Variants in ARHGAP6 observed in about 807,000 individuals in gnomAD.
ARHGAP6 encodes the protein rho GTPase-activating protein 6.
Under a neutral mutation model 55.7 loss-of-function variants are expected in ARHGAP6, and 16 were observed. The ratio of observed to expected loss-of-function variants is 0.29; its 90% CI spans 0.19 to 0.44. The LOEUF is 0.44. Ranked by LOEUF, ARHGAP6 falls within the 20% of genes least tolerant of loss-of-function variation. The pLI, the probability that ARHGAP6 is intolerant of heterozygous loss-of-function variation, is 1.00. For missense variants in ARHGAP6, 698 were observed against 808.9 expected, an observed-to-expected ratio of 0.86 and a Z score of 1.66; for synonymous variants, 382 against 360.9, an observed-to-expected ratio of 1.06 and a Z score of -0.66.
chrX:11,429,570 C>G (rs1335248399), intron 1 of ARHGAP6, among the ~76,000 whole-genome samples: 1 of 112,304 alleles, frequency 8.9e-6, no homozygotes, highest in Non-Finnish European at 1.9e-5. Flanking sequence ...AACTTCCAAA[C>G]AGTGTTGCCT....
chrX:11,664,678 C>A lies in ARHGAP6; in HGVS notation c.151G>T (p.Ala51Ser). 8.6e-7 allele frequency: 1 copy of A among 1,168,485 alleles called. No homozygotes were observed. The highest frequency in any genetic ancestry group is 1.9e-5 in the South Asian group (1 of 52,791). ...CCCCGCGCACTGCCCTCCGCGCCCG[C>A]CTCGTCGCTCCCGCAGCCGCCGATC... ...ALIGGCGSDE[A>S]GAEGSARGAT... The change falls in exon 1 of 13, where the codon GCG (alanine) becomes TCG (serine). Residue 51 changes from alanine to serine, a missense_variant. Ala to Ser is a moderately conservative substitution (Grantham distance 99). This residue lies in a region of ARHGAP6 where 164 missense variants were observed against 149.2 expected (regional missense o/e 1.10). Transcript: ENST00000337414.
intron 2 of ARHGAP6, among the ~76,000 whole-genome samples, chrX:11,253,167 A>G (rs1285470839): frequency 9.0e-6 from 1 of 110,699 alleles, no homozygotes; most frequent in Non-Finnish European, 1.9e-5. Flanking sequence ...CTCAGCCTTT[A>G]CCCACTAGAT....
At chrX:11,489,552 A>G (rs1463602610) in intron 1 of ARHGAP6, among the ~76,000 whole-genome samples, 1 of 112,465 alleles carries the variant, frequency 8.9e-6, no homozygotes, top group African/African-American at 3.2e-5. Flanking sequence ...ACTTAAACAA[A>G]TAGGTATGGC....
chrX:11,428,085 C>A (rs1211728395), intron 1 of ARHGAP6, among the ~76,000 whole-genome samples: 2 of 112,531 alleles, frequency 1.8e-5, no homozygotes, highest in African/African-American at 3.2e-5. Context: ...GCCTTTAATG[C>A]CAGCGAGAAG....
At chrX:11,453,513 G>A (rs1204333298) in intron 1 of ARHGAP6, among the ~76,000 whole-genome samples, 1 of 108,716 alleles carries the variant, frequency 9.2e-6, no homozygotes, top group Non-Finnish European at 1.9e-5. Context: ...GGATGGTGAT[G>A]GGAGAGGAAA....
intron 10 of ARHGAP6, among the ~76,000 whole-genome samples, chrX:11,150,088 T>A (rs995561821): frequency 5.3e-5 from 6 of 112,227 alleles, no homozygotes; most frequent in African/African-American, 1.9e-4. Flanking sequence ...TTGTTCTATT[T>A]TGATCTTGTT....
rs187349459 is a variant in ARHGAP6, at chrX:11,587,530, G to A, written c.588+76711C>T. ...GAACTACAGCCAGCAAGGAAGACTA[G>A]CGAGACTGGTATAGAAGGATGGAAG... On this transcript the variant is annotated intron_variant, in intron 1 of 12. Coordinates refer to ENST00000337414, the MANE Select transcript of ARHGAP6 (RefSeq NM_013427.3). Among the ~76,000 whole-genome samples the A allele has an allele frequency of 2.2e-4, 25 of 111,871 alleles. 1 individual carries two copies. The East Asian group carries it at 7.0e-3, about 31-fold the overall frequency.
At position 11,298,839 on chromosome X, in the gene ARHGAP6, G is replaced by T. The variant is rs138249749; in HGVS notation, c.589-44132C>A. The T allele has an allele frequency of 7.8e-4, 942 of 1,208,248 alleles. 6 individuals carry two copies. In the African/African-American group the frequency reaches 0.015, roughly 19 times the overall value. ...CCAGCCCATGCAGCCCCAGCCACCTGTGCACCCCATGCAGCCCCTGCCGCC... is the reference window on the plus strand; with the variant it reads ...CCAGCCCATGCAGCCCCAGCCACCTTTGCACCCCATGCAGCCCCTGCCGCC... On this transcript the variant is annotated intron_variant, in intron 1 of 12. Transcript: ENST00000337414.
intron 1 of ARHGAP6, among the ~76,000 whole-genome samples, chrX:11,521,396 A>C (rs1371720404): frequency 8.9e-6 from 1 of 112,212 alleles, no homozygotes; most frequent in African/African-American, 3.2e-5. Flanking sequence ...TTTTCCCAGC[A>C]CCATTTGTTG....
chrX:11,418,139 T>C (rs1362630527), intron 1 of ARHGAP6, among the ~76,000 whole-genome samples: 1 of 111,887 alleles, frequency 8.9e-6, no homozygotes, highest in African/African-American at 3.3e-5. Flanking sequence ...CTGCGTCCTT[T>C]TGGATTTTCT....
intron 1 of ARHGAP6, among the ~76,000 whole-genome samples, chrX:11,516,908 T>C (rs912493427): frequency 4.5e-5 from 5 of 111,649 alleles, no homozygotes; most frequent in African/African-American, 1.6e-4. Flanking sequence ...CATTCTCAGG[T>C]TGTATTCTCC....
chrX:11,429,108 C>T (rs2049918212), intron 1 of ARHGAP6, among the ~76,000 whole-genome samples: 1 of 112,484 alleles, frequency 8.9e-6, no homozygotes, highest in African/African-American at 3.2e-5. Context: ...AGTCTGTGCA[C>T]ATGATGGAAT....
intron 1 of ARHGAP6, among the ~76,000 whole-genome samples, chrX:11,572,683 T>C (rs1240283555): frequency 2.6e-4 from 29 of 112,148 alleles, no homozygotes; most frequent in African/African-American, 9.4e-4. Context: ...GCATGATTTA[T>C]AGTCATTTGG....
chrX:11,379,688 C>T, intron 1 of ARHGAP6, among the ~76,000 whole-genome samples: 1 of 111,516 alleles, frequency 9.0e-6, no homozygotes, highest in South Asian at 3.8e-4. Context: ...TTGAACTGTC[C>T]AGAACATAAT....
At chrX:11,473,462 G>A (rs2050370000) in intron 1 of ARHGAP6, among the ~76,000 whole-genome samples, 1 of 111,555 alleles carries the variant, frequency 9.0e-6, no homozygotes, top group African/African-American at 3.3e-5. Flanking sequence ...ATTTGTAAGG[G>A]TGTCCTTACA....
intron 1 of ARHGAP6, among the ~76,000 whole-genome samples, chrX:11,383,692 A>G (rs1172055683): frequency 9.0e-6 from 1 of 111,583 alleles, no homozygotes; most frequent in Non-Finnish European, 1.9e-5. Context: ...AAAAGGCAAC[A>G]AAATACCTAC....
chrX:11,333,989 G>A (rs2048596333), intron 1 of ARHGAP6, among the ~76,000 whole-genome samples: 1 of 111,666 alleles, frequency 9.0e-6, no homozygotes, highest in African/African-American at 3.3e-5. Context: ...ATAAAAAGAT[G>A]GGGGAGAGTT....
chrX:11,148,907 T>C (rs758767791), intron 10 of ARHGAP6: 5 of 219,291 alleles, frequency 2.3e-5, no homozygotes, highest in East Asian at 2.7e-4. Flanking sequence ...TCTTGGATTA[T>C]ATCAATGGTA....
At chrX:11,349,119 G>C (rs1438488379) in intron 1 of ARHGAP6, among the ~76,000 whole-genome samples, 2 of 108,829 alleles carry the variant, frequency 1.8e-5, no homozygotes, top group Non-Finnish European at 3.8e-5. Flanking sequence ...CATAAGGATA[G>C]AGACAGAGTT....
Sources: gnomAD v4.1 joint callset for allele counts (sites outside exome capture counted in the v4.1 genomes callset) on GRCh38, gnomAD v4.1.1 for gene constraint, gnomAD v4.1.1 regional missense constraint, MANE v1.5 for transcripts, NCBI Gene and HGNC (gene_info 2026-07-23, HGNC 2026-07-21) for gene names.